CSMD1: variants seen among roughly 807,000 people sequenced by gnomAD.
CSMD1 encodes CUB and Sushi multiple domains 1.
Under a neutral mutation model 417.5 loss-of-function variants are expected in CSMD1, and 213 were observed. That is an observed-to-expected ratio of 0.51 (90% confidence interval 0.46 to 0.57). The LOEUF (loss-of-function observed/expected upper bound fraction) is 0.57. Ranked by LOEUF, CSMD1 falls within the 20% of genes least tolerant of loss-of-function variation. The pLI is 0.00. For synonymous variants in CSMD1, 2,862 were observed against 1,736.8 expected (o/e 1.65, Z -16.11); for missense variants, 6,923 against 4,529.7 (o/e 1.53, Z -15.17).
chr8:4,843,917 GAGTT>G (rs1220620927), intron 1 of CSMD1, among the ~76,000 whole-genome samples: 1 of 152,152 alleles, frequency 6.6e-6, no homozygotes, highest in African/African-American at 2.4e-5. Flanking sequence ...GGGTGCACAG[GAGTT>G]AGTTCAGAAG....
chr8:3,856,847 C>G (rs920180799), intron 5 of CSMD1, among the ~76,000 whole-genome samples: 2 of 152,176 alleles, frequency 1.3e-5, no homozygotes, highest in African/African-American at 4.8e-5. Context: ...GGCAACTGAG[C>G]CACAGCAGAT....
chr8:4,452,467 C>T (rs1799203616), intron 2 of CSMD1, among the ~76,000 whole-genome samples: 1 of 152,202 alleles, frequency 6.6e-6, no homozygotes, highest in African/African-American at 2.4e-5. Flanking sequence ...GCATTACCCA[C>T]TCATATTTGA....
At chr8:4,471,868 A>G (rs536725817) in intron 2 of CSMD1, among the ~76,000 whole-genome samples, 1 of 152,312 alleles carries the variant, frequency 6.6e-6, no homozygotes, top group East Asian at 1.9e-4. Context: ...TTAGGCTACA[A>G]AAAATGGTGT....
chr8:4,496,076 A>T (rs1585165417), intron 2 of CSMD1, among the ~76,000 whole-genome samples: 1 of 152,308 alleles, frequency 6.6e-6, no homozygotes, highest in Non-Finnish European at 1.5e-5. Context: ...CACTTAAATG[A>T]TGCCAATCAA....
At chr8:3,227,562 G>C (rs866342009) in intron 27 of CSMD1, among the ~76,000 whole-genome samples, 1 of 152,080 alleles carries the variant, frequency 6.6e-6, no homozygotes, top group South Asian at 2.1e-4. Context: ...ACAATAATAA[G>C]GGACTAGAAA....
chr8:4,594,569 T>C (rs1399628785), intron 2 of CSMD1, among the ~76,000 whole-genome samples: 1 of 152,146 alleles, frequency 6.6e-6, no homozygotes, highest in Non-Finnish European at 1.5e-5. Flanking sequence ...TGTGTGCGTT[T>C]TTTTGGAGGG....
chr8:4,163,184 T>C (rs929734898), intron 3 of CSMD1, among the ~76,000 whole-genome samples: 1 of 152,308 alleles, frequency 6.6e-6, no homozygotes, highest in East Asian at 1.9e-4. Context: ...GAATAAACCT[T>C]CTAAAAACAT....
At chr8:3,135,064 C>T (rs968212235) in intron 41 of CSMD1, among the ~76,000 whole-genome samples, 7 of 152,166 alleles carry the variant, frequency 4.6e-5, no homozygotes, top group Admixed American at 1.3e-4. Flanking sequence ...GCCAGGACCA[C>T]GGGTGTCCAA....
chr8:3,205,438 A>T, intron 31 of CSMD1, 66 bp downstream of exon 31: 1 of 823,970 alleles, frequency 1.2e-6, no homozygotes, highest in Non-Finnish European at 1.9e-6. Flanking sequence ...TTGTTTATCA[A>T]ATGACAGAAA....
chr8:3,310,303 G>T (rs1805225933), intron 23 of CSMD1, among the ~76,000 whole-genome samples: 1 of 152,132 alleles, frequency 6.6e-6, no homozygotes, highest in Non-Finnish European at 1.5e-5. Flanking sequence ...GAGGAAAAAA[G>T]AAGCAGAAGT....
At chr8:4,461,713 G>A (rs531705830) in intron 2 of CSMD1, among the ~76,000 whole-genome samples, 4 of 149,574 alleles carry the variant, frequency 2.7e-5, no homozygotes, top group Middle Eastern at 6.8e-3. Flanking sequence ...ACCATAGCCA[G>A]CTCATCTTAT....
intron 12 of CSMD1, among the ~76,000 whole-genome samples, chr8:3,415,847 A>C (rs999283659): frequency 1.3e-5 from 2 of 152,222 alleles, no homozygotes; most frequent in African/African-American, 4.8e-5. Flanking sequence ...AAATGGATCT[A>C]TGTTGTTTAG....
chr8:3,268,163 G>C (rs978549880), intron 26 of CSMD1, among the ~76,000 whole-genome samples: 1 of 151,974 alleles, frequency 6.6e-6, no homozygotes, highest in South Asian at 2.1e-4. Context: ...ATGAATGAAT[G>C]AATGAATGAG....
intron 3 of CSMD1, among the ~76,000 whole-genome samples, chr8:4,035,651 C>A (rs767557918): frequency 2.0e-5 from 3 of 152,086 alleles, no homozygotes; most frequent in African/African-American, 7.2e-5. Flanking sequence ...TAGACAAACT[C>A]TTATGAATAA....
At chr8:4,357,032 A>G (rs1306109144) in intron 3 of CSMD1, among the ~76,000 whole-genome samples, 2 of 152,204 alleles carry the variant, frequency 1.3e-5, no homozygotes, top group South Asian at 2.1e-4. Context: ...AAATTCTTAC[A>G]TTGTATGCAG....
intron 5 of CSMD1, among the ~76,000 whole-genome samples, chr8:3,925,393 T>G (rs1809580750): frequency 6.6e-6 from 1 of 152,192 alleles, no homozygotes; most frequent in Non-Finnish European, 1.5e-5. Context: ...AAGTGTACTT[T>G]AAAATATAAA....
At chr8:4,364,392 A>G (rs567618616) in intron 3 of CSMD1, among the ~76,000 whole-genome samples, 2 of 152,284 alleles carry the variant, frequency 1.3e-5, no homozygotes, top group South Asian at 4.1e-4. Context: ...GTTTACTGTT[A>G]TAGCTTCCAT....
chr8:3,224,840 C>T (rs766846273), intron 27 of CSMD1, among the ~76,000 whole-genome samples: 14 of 152,134 alleles, frequency 9.2e-5, no homozygotes, highest in African/African-American at 3.1e-4. Flanking sequence ...TCTCATCTCA[C>T]GGAAGGTGTG....
intron 2 of CSMD1, among the ~76,000 whole-genome samples, chr8:4,548,572 T>C (rs2130551168): frequency 6.6e-6 from 1 of 152,328 alleles, no homozygotes; most frequent in African/African-American, 2.4e-5. Flanking sequence ...AGCTTTTCTT[T>C]TTAAATATAT....
Sources: allele counts gnomAD v4.1 joint callset (sites outside exome capture counted in the v4.1 genomes callset), GRCh38; gene constraint gnomAD v4.1.1; transcripts MANE v1.5; gene names NCBI Gene and HGNC (gene_info 2026-07-23, HGNC 2026-07-21).